STX2: variants seen among roughly 807,000 people sequenced by gnomAD.
STX2 encodes the protein syntaxin-2.
A neutral mutation model predicts 40.6 loss-of-function variants in STX2; 27 were observed. That is an observed-to-expected ratio of 0.66 (90% CI 0.49 to 0.92). The LOEUF (loss-of-function observed/expected upper bound fraction) is 0.92. Among genes scored for constraint, STX2 ranks in the 40% least tolerant of loss-of-function variants. The pLI, the probability that STX2 is intolerant of heterozygous loss-of-function variation, is 0.00. For missense variants in STX2, 328 were observed against 366.1 expected (o/e 0.90, Z 0.85); for synonymous variants, 123 against 119.1 (o/e 1.03, Z -0.22).
intron 1 of STX2, among the ~76,000 whole-genome samples, chr12:130,832,666 TG>T (rs529303212): frequency 7.5e-4 from 114 of 152,296 alleles, no homozygotes; most frequent in Non-Finnish European, 1.4e-3. Context: ...CATTTAAACT[TG>T]GGGGCGGGGG....
intron 4 of STX2, among the ~76,000 whole-genome samples, chr12:130,811,461 G>T (rs544751226): frequency 6.7e-6 from 1 of 148,212 alleles, no homozygotes; most frequent in Admixed American, 6.7e-5. Context: ...GAATAGAAAA[G>T]AATGTTATAT....
intron 10 of STX2, among the ~76,000 whole-genome samples, chr12:130,794,384 T>C (rs1215423608): frequency 6.6e-6 from 1 of 152,218 alleles, no homozygotes; most frequent in Non-Finnish European, 1.5e-5. Flanking sequence ...CCAGAGCTCC[T>C]TACAGAGTAA....
At chr12:130,794,007 A>G (rs1307239835) in intron 10 of STX2, among the ~76,000 whole-genome samples, 1 of 152,214 alleles carries the variant, frequency 6.6e-6, no homozygotes, top group Non-Finnish European at 1.5e-5. Flanking sequence ...CCCACTCCCC[A>G]GGGGTCACAC....
At chr12:130,798,250 CAAAAAA>C (rs5801935) in intron 9 of STX2, 13 of 147,274 alleles carry the variant, frequency 8.8e-5, no homozygotes, top group Admixed American at 2.5e-4. Flanking sequence ...AACTCCAATT[CAAAAAA>C]AAAAAAAAAA....
chr12:130,825,914 C>T lies in STX2; in HGVS notation c.105+1279G>A, dbSNP rs541089588. ...CAAGGTCAATATATTTGTTCTGTGA[C>T]TCAATTTCAAAAATTTGAAATTAAG... On this transcript the variant is annotated intron_variant, in intron 2 of 10. Transcript: ENST00000392373. 5.9e-5 allele frequency among the ~76,000 whole-genome samples: 9 copies of T among 152,268 alleles called. No individual in the cohort carries two copies. In the South Asian group the frequency reaches 1.9e-3, roughly 32 times the overall value.
At chr12:130,806,579 C>T (rs999068838) in intron 6 of STX2, among the ~76,000 whole-genome samples, 1 of 152,176 alleles carries the variant, frequency 6.6e-6, no homozygotes, top group Non-Finnish European at 1.5e-5. Context: ...GCCAACTGTC[C>T]CCATAGACAC....
chr12:130,816,258 G>C (rs978460496), intron 3 of STX2, among the ~76,000 whole-genome samples: 1 of 152,234 alleles, frequency 6.6e-6, no homozygotes, highest in Admixed American at 6.5e-5. Flanking sequence ...GAAACCACAA[G>C]ATCTGAGAGC....
intron 3 of STX2, among the ~76,000 whole-genome samples, chr12:130,815,374 G>A (rs76113288): frequency 7.2e-5 from 11 of 152,290 alleles, no homozygotes; most frequent in African/African-American, 1.9e-4. Context: ...GTTCCTGAGC[G>A]TGACGACGGG....
intron 4 of STX2, among the ~76,000 whole-genome samples, chr12:130,811,536 CTTT>C (rs71088788): frequency 1.0e-5 from 1 of 95,552 alleles, no homozygotes; most frequent in African/African-American, 4.3e-5. Context: ...CCATTAACAT[CTTT>C]TTTTTTTTTT....
intron 1 of STX2, among the ~76,000 whole-genome samples, chr12:130,828,108 A>G (rs1186428590): frequency 6.6e-6 from 1 of 152,224 alleles, no homozygotes; most frequent in Non-Finnish European, 1.5e-5. Flanking sequence ...TCTCCATCAG[A>G]AGACCCTAAG....
At chr12:130,821,930 T>C (rs561506974) in intron 2 of STX2, 142 bp from the exon 3 acceptor site, 2 of 580,556 alleles carry the variant, frequency 3.4e-6, no homozygotes, top group African/African-American at 1.9e-5. Context: ...CACACTGGTA[T>C]CGTTAAATTT....
intron 3 of STX2, among the ~76,000 whole-genome samples, chr12:130,818,845 C>T (rs529235084): frequency 1.3e-5 from 2 of 152,302 alleles, no homozygotes; most frequent in South Asian, 2.1e-4. Flanking sequence ...ATCAAATCCC[C>T]GCCGTCCTGC....
chr12:130,798,313 C>T (rs1951097891), intron 9 of STX2: 2 of 370,784 alleles, frequency 5.4e-6, no homozygotes, highest in Admixed American at 4.7e-5. Flanking sequence ...CCTAGGGTTT[C>T]AATTACTTAG....
chr12:130,792,100 C>A, intron 10 of STX2, 123 bp from the exon 11 acceptor site: 1 of 588,482 alleles, frequency 1.7e-6, no homozygotes, highest in Non-Finnish European at 2.9e-6. Context: ...AGAAAGGACT[C>A]CTCCATGTCA....
chr12:130,835,351 C>T (rs1952722631), intron 1 of STX2, among the ~76,000 whole-genome samples: 1 of 152,154 alleles, frequency 6.6e-6, no homozygotes, highest in African/African-American at 2.4e-5. Flanking sequence ...ATAACGTTCT[C>T]ATTTCTTTTA....
At chr12:130,823,126 A>AC (rs1181464415) in intron 2 of STX2, among the ~76,000 whole-genome samples, 3 of 151,710 alleles carry the variant, frequency 2.0e-5, no homozygotes, top group Non-Finnish European at 2.9e-5. Flanking sequence ...ACATAGAGAG[A>AC]CCCCCATCTC....
intron 9 of STX2, among the ~76,000 whole-genome samples, chr12:130,797,176 CG>C (rs998374910): frequency 3.9e-5 from 6 of 152,224 alleles, no homozygotes; most frequent in Non-Finnish European, 7.3e-5. Context: ...AGAATGAAAA[CG>C]TATCACACCC....
At position 130,839,062 on chromosome 12, in the gene STX2, C is replaced by G; in HGVS notation, c.30+8G>C. 7.5e-7 allele frequency: 1 copy of G among 1,339,518 alleles called. No individual in the cohort carries two copies. The highest frequency in any genetic ancestry group is 1.5e-5 in the African/African-American group (1 of 65,856). The allele number at this position is 1,339,518 out of a possible 1,614,324, so 83.0% of individuals were successfully genotyped here. A position where few individuals can be genotyped will look rare whatever the true frequency, so the allele number is the denominator to read the frequency against. On this transcript the variant is annotated splice_region_variant and intron_variant, in intron 1 of 10. Coordinates refer to ENST00000392373, the MANE Select transcript of STX2 (RefSeq NM_194356.4). ...GGGCCTGAACCGCTACCCGCGGCTG[C>G]CGCTCACCGCCGTCAGGTCTGGCAG...
chr12:130,793,617 G>A (rs1041783273), intron 10 of STX2, among the ~76,000 whole-genome samples: 13 of 152,294 alleles, frequency 8.5e-5, no homozygotes, highest in Admixed American at 2.0e-4. Flanking sequence ...TGGTGACAGC[G>A]AGAGTGGAAA....
Sources: gnomAD v4.1 joint callset for allele counts (sites outside exome capture counted in the v4.1 genomes callset) on GRCh38, gnomAD v4.1.1 for gene constraint, MANE v1.5 for transcripts, NCBI Gene and HGNC (gene_info 2026-07-23, HGNC 2026-07-21) for gene names.